The following DPP10 variants were observed in gnomAD, a reference collection of about 807,000 sequenced individuals.
The protein encoded by DPP10 is inactive dipeptidyl peptidase 10.
DPP10 carries 33 observed loss-of-function variants against 120.9 expected under a neutral mutation model. The observed-to-expected ratio is 0.27, with a 90% CI of 0.21 to 0.37. The LOEUF (loss-of-function observed/expected upper bound fraction) is 0.37. Among genes scored for constraint, DPP10 ranks in the 10% least tolerant of loss-of-function variants. The pLI is 1.00. For missense variants in DPP10, 816 were observed against 942.8 expected, an observed-to-expected ratio of 0.87 and a Z score of 1.76; for synonymous variants, 337 against 326.1, an observed-to-expected ratio of 1.03 and a Z score of -0.36.
intron 5 of DPP10, among the ~76,000 whole-genome samples, chr2:115,546,668 G>T (rs1431861950): frequency 6.6e-6 from 1 of 152,108 alleles, no homozygotes; most frequent in African/African-American, 2.4e-5. Flanking sequence ...ACTTATCAAA[G>T]ACCAGCAATA....
rs570979104 is a variant in DPP10, at chr2:114,727,726, A to G, written c.60+284888A>G. Among the ~76,000 whole-genome samples the G allele has an allele frequency of 1.4e-4, 21 of 152,328 alleles. No homozygotes were observed. The South Asian group carries it at 4.4e-3, about 32-fold the overall frequency. ...AATTATTGTGTGTTTTGTGTAGTAA[A>G]GAACTCCTATAAACAAAGAATGGAA... is the stretch of plus-strand genomic sequence containing the variant. On this transcript the variant is annotated intron_variant, in intron 1 of 25. Transcript: ENST00000410059.
intron 1 of DPP10, among the ~76,000 whole-genome samples, chr2:114,598,411 A>T (rs1047190868): frequency 6.6e-6 from 1 of 151,880 alleles, no homozygotes; most frequent in African/African-American, 2.4e-5. Context: ...ACTGCTGCTA[A>T]CTATTTTGCT....
At chr2:115,028,993 G>C (rs1703659921) in intron 1 of DPP10, among the ~76,000 whole-genome samples, 1 of 151,808 alleles carries the variant, frequency 6.6e-6, no homozygotes, top group Admixed American at 6.6e-5. Flanking sequence ...AGTTGTCTTT[G>C]TTTTCTATCC....
chr2:114,635,197 GTT>G (rs1303698314), intron 1 of DPP10, among the ~76,000 whole-genome samples: 1 of 151,180 alleles, frequency 6.6e-6, no homozygotes, highest in African/African-American at 2.4e-5. Context: ...TTTATTCTGT[GTT>G]GAACACAAAG....
chr2:115,005,065 C>T (rs1009007027), intron 1 of DPP10, among the ~76,000 whole-genome samples: 1 of 152,052 alleles, frequency 6.6e-6, no homozygotes, highest in African/African-American at 2.4e-5. Context: ...TGACCCCTGA[C>T]CCCCGAGAAG....
chr2:115,479,487 G>A (rs1014377295), intron 3 of DPP10, among the ~76,000 whole-genome samples: 1 of 152,066 alleles, frequency 6.6e-6, no homozygotes, highest in Non-Finnish European at 1.5e-5. Context: ...ATAGGTGGTG[G>A]CAATGGTTAT....
At chr2:115,437,905 T>C (rs1199359519) in intron 3 of DPP10, among the ~76,000 whole-genome samples, 1 of 152,174 alleles carries the variant, frequency 6.6e-6, no homozygotes, top group Non-Finnish European at 1.5e-5. Flanking sequence ...ATATGTCTCA[T>C]TTTATTAAAT....
intron 1 of DPP10, among the ~76,000 whole-genome samples, chr2:115,209,391 T>C (rs2105341712): frequency 6.6e-6 from 1 of 152,278 alleles, no homozygotes; most frequent in African/African-American, 2.4e-5. Flanking sequence ...ACATTTTTAA[T>C]ATATGTACAC....
At chr2:115,228,504 C>A (rs1358753370) in intron 1 of DPP10, among the ~76,000 whole-genome samples, 1 of 152,066 alleles carries the variant, frequency 6.6e-6, no homozygotes, top group African/African-American at 2.4e-5. Flanking sequence ...GCTTCAATCC[C>A]CCCTCCAGCC....
At chr2:114,444,885 G>T (rs1677853320) in intron 1 of DPP10, among the ~76,000 whole-genome samples, 1 of 152,140 alleles carries the variant, frequency 6.6e-6, no homozygotes, top group Non-Finnish European at 1.5e-5. Context: ...GAACTATTAA[G>T]GGAGTAATTA....
At chr2:114,923,759 C>A (rs991697194) in intron 1 of DPP10, among the ~76,000 whole-genome samples, 12 of 152,090 alleles carry the variant, frequency 7.9e-5, no homozygotes, top group African/African-American at 2.9e-4. Flanking sequence ...AGCCACCGCA[C>A]CTGGCCTTTT....
chr2:115,686,004 A>G (rs2090967717), intron 5 of DPP10, among the ~76,000 whole-genome samples: 1 of 152,110 alleles, frequency 6.6e-6, no homozygotes, highest in African/African-American at 2.4e-5. Flanking sequence ...ATTCATAGAC[A>G]TATGCAGAAT....
Position 114,631,053 on chromosome 2 carries a change from A to C in DPP10, c.60+188215A>C, listed in dbSNP as rs537964372. ...AGGACAAAGATTTGCTGCAAGGAAA[A>C]CTGCTTAAATGCCCAGAGTTTATCA... On this transcript the variant is annotated intron_variant, in intron 1 of 25. Coordinates refer to ENST00000410059, the MANE Select transcript of DPP10 (RefSeq NM_020868.6). Among the ~76,000 whole-genome samples, 11 of 152,230 alleles carry C rather than the reference A, an allele frequency of 7.2e-5. No homozygotes were observed. The East Asian group carries it at 1.5e-3, about 21-fold the overall frequency.
chr2:115,113,066 A>G (rs1051991398), intron 1 of DPP10, among the ~76,000 whole-genome samples: 1 of 151,974 alleles, frequency 6.6e-6, no homozygotes, highest in Non-Finnish European at 1.5e-5. Context: ...TCCCAAAGTG[A>G]CTAAGTTACG....
intron 1 of DPP10, among the ~76,000 whole-genome samples, chr2:114,722,254 G>C (rs534603362): frequency 6.6e-6 from 1 of 152,178 alleles, no homozygotes; most frequent in African/African-American, 2.4e-5. Flanking sequence ...TTATAATTTT[G>C]CCCTAGACTA....
chr2:114,949,379 C>T (rs76442364), intron 1 of DPP10, among the ~76,000 whole-genome samples: 1,823 of 152,236 alleles, frequency 0.012, 48 homozygotes, highest in African/African-American at 0.039. Context: ...GATGGGGACA[C>T]GGAGCCAAAC....
At chr2:115,834,773 G>A (rs1043223878) in intron 21 of DPP10, among the ~76,000 whole-genome samples, 1 of 152,082 alleles carries the variant, frequency 6.6e-6, no homozygotes. Context: ...AAGATTCCCT[G>A]CAACAAAAGG....
intron 1 of DPP10, among the ~76,000 whole-genome samples, chr2:114,830,395 G>C (rs562622313): frequency 1.3e-5 from 2 of 151,980 alleles, no homozygotes; most frequent in African/African-American, 4.8e-5. Context: ...CTTGCCTGGA[G>C]TATCCTCCTT....
intron 13 of DPP10, among the ~76,000 whole-genome samples, chr2:115,775,986 G>A (rs1682050156): frequency 6.6e-6 from 1 of 152,012 alleles, no homozygotes; most frequent in Non-Finnish European, 1.5e-5. Flanking sequence ...GGAATAAAGG[G>A]AACTTCTTTA....
Sources: allele counts gnomAD v4.1 joint callset (sites outside exome capture counted in the v4.1 genomes callset), GRCh38; gene constraint gnomAD v4.1.1; transcripts MANE v1.5; gene names NCBI Gene and HGNC (gene_info 2026-07-23, HGNC 2026-07-21).